Variants in ATP6V1B2 observed in about 807,000 individuals in gnomAD.
The protein encoded by ATP6V1B2 is ATPase H+ transporting V1 subunit B2.
ATP6V1B2 carries 23 observed loss-of-function variants against 66.7 expected under a neutral mutation model. That is an observed-to-expected ratio of 0.34 (90% CI 0.25 to 0.49). The LOEUF (loss-of-function observed/expected upper bound fraction) is 0.49, where lower values mean the gene tolerates loss of function less well. Ranked by LOEUF, ATP6V1B2 falls within the 20% of genes least tolerant of loss-of-function variation. ATP6V1B2 has a pLI of 0.99. For synonymous variants in ATP6V1B2, 278 were observed against 236.7 expected, an observed-to-expected ratio of 1.17 and a Z score of -1.60; for missense variants, 478 against 650.8, an observed-to-expected ratio of 0.73 and a Z score of 2.89.
At chr8:20,214,569 T>A (rs1010080841) in intron 9 of ATP6V1B2, 1 of 307,012 alleles carries the variant, frequency 3.3e-6, no homozygotes, top group East Asian at 5.5e-5. Flanking sequence ...AGCAAACTAT[T>A]TGAAAACTTA....
At chr8:20,203,979 T>G (rs1365068499) in intron 1 of ATP6V1B2, 2 of 456,092 alleles carry the variant, frequency 4.4e-6, no homozygotes, top group Non-Finnish European at 4.4e-6. Flanking sequence ...TTCTCCAATT[T>G]CCTTTGTGAC....
chr8:20,213,033 T>C lies in ATP6V1B2; in HGVS notation c.927+128T>C, dbSNP rs147867559. 3.8e-4 allele frequency: 488 copies of C among 1,289,258 alleles called. 4 individuals are homozygous for C. In the African/African-American group the frequency reaches 6.4e-3, roughly 17 times the overall value. The allele number at this position is 1,289,258 out of a possible 1,614,324, so 79.9% of individuals were successfully genotyped here. A position where few individuals can be genotyped will look rare whatever the true frequency, so the allele number is the denominator to read the frequency against. On this transcript the variant is annotated intron_variant, in intron 9 of 13. Coordinates refer to ENST00000276390, the MANE Select transcript of ATP6V1B2 (RefSeq NM_001693.4). ...CTGTTCATATATTAATAGAATGCCT[T>C]AATAAATCAGAAAGGAAACTACTTC...
intron 1 of ATP6V1B2, among the ~76,000 whole-genome samples, chr8:20,203,663 A>G (rs1051191295): frequency 2.0e-5 from 3 of 151,338 alleles, no homozygotes; most frequent in Non-Finnish European, 4.4e-5. Flanking sequence ...TGGTAGAATT[A>G]CTCTCCCCTG....
At chr8:20,212,966 G>A in intron 9 of ATP6V1B2, 61 bp downstream of exon 9, 3 of 1,598,836 alleles carry the variant, frequency 1.9e-6, no homozygotes, top group Middle Eastern at 1.7e-4. Flanking sequence ...GGGTTAACTT[G>A]TCACTTTGCA....
At chr8:20,213,367 G>A (rs1253724204) in intron 9 of ATP6V1B2, 1 of 182,684 alleles carries the variant, frequency 5.5e-6, no homozygotes, top group Non-Finnish European at 1.1e-5. Flanking sequence ...GATTCTAGCA[G>A]GCTGGGCACG....
At position 20,214,831 on chromosome 8, in the gene ATP6V1B2, G is replaced by C; in HGVS notation, c.941G>C (p.Arg314Thr). 6.2e-7 allele frequency: 1 copy of C among 1,611,866 alleles called. No individual in the cohort carries two copies. Among genetic ancestry groups the C allele is most frequent in the Non-Finnish European group, 8.5e-7 (1 of 1,178,856 alleles). The change falls in exon 10 of 14, where the codon AGG (arginine) becomes ACG (threonine). Residue 314 changes from arginine (R) to threonine (T), a missense_variant. This residue lies in a region of ATP6V1B2 where 326 missense variants were observed against 545.6 expected (regional missense o/e 0.60). Transcript: ENST00000276390. ...AEALREVSAA[R>T]EEVPGRRGFP... is the part of the protein sequence containing the mutation. Reference sequence around the variant, plus strand: ...ACCTGCTGTCAGGTTTCAGCAGCCAGGGAAGAGGTACCTGGTCGACGAGGT... The same window carrying C: ...ACCTGCTGTCAGGTTTCAGCAGCCACGGAAGAGGTACCTGGTCGACGAGGT...
intron 1 of ATP6V1B2, among the ~76,000 whole-genome samples, chr8:20,202,692 G>T (rs556509087): frequency 6.6e-6 from 1 of 152,296 alleles, no homozygotes; most frequent in East Asian, 1.9e-4. Context: ...TTCTAAAGCA[G>T]TATTGTTGTA....
At chr8:20,212,055 T>G in intron 7 of ATP6V1B2, 47 bp from the exon 8 acceptor site, 1 of 1,519,780 alleles carries the variant, frequency 6.6e-7, no homozygotes. Flanking sequence ...GAAATAAATG[T>G]TAAGGATTTT....
rs1018881190 is a variant in ATP6V1B2, at chr8:20,221,548, G to C, written c.*1146G>C. 6.6e-6 allele frequency: 1 copy of C among 152,480 alleles called. No individual in the cohort carries two copies. 9.4% of individuals were successfully genotyped at this position (152,480 alleles called of 1,614,324 possible). On this transcript the variant is annotated 3_prime_UTR_variant, in exon 14 of 14. Transcript: ENST00000276390. ...GGTGCAATAGCAACTTCCCTACCCC[G>C]TGCATTCCATCTTTCATGTTGTGTA...
intron 5 of ATP6V1B2, among the ~76,000 whole-genome samples, 193 bp from the exon 6 acceptor site, chr8:20,210,984 A>C (rs141631986): frequency 1.7e-3 from 265 of 152,286 alleles, no homozygotes; most frequent in African/African-American, 6.1e-3. Context: ...GTGAGTCTAC[A>C]AAAGAGTAAA....
chr8:20,197,513 G>A lies in ATP6V1B2; in HGVS notation c.107G>A (p.Ser36Asn). ...GCTCGGGAGCAGGCGCTGGCAGTCA[G>A]TCGGAACTACCTCTCCCAGCCTCGC... is the stretch of plus-strand genomic sequence containing the variant. ...VGAREQALAV[S>N]RNYLSQPRLT... Residue 36 changes from serine to asparagine, a missense_variant, in exon 1 of 14, where the codon AGT becomes AAT. Physicochemically the swap from Ser to Asn is conservative, Grantham distance 46. Coordinates refer to ENST00000276390, the MANE Select transcript of ATP6V1B2 (RefSeq NM_001693.4). 1.3e-6 allele frequency: 2 copies of A among 1,483,860 alleles called. No individual in the cohort carries two copies. Among genetic ancestry groups the A allele is most frequent in the Non-Finnish European group, 1.8e-6 (2 of 1,115,072 alleles). The allele number at this position is 1,483,860 out of a possible 1,614,324, so 91.9% of individuals were successfully genotyped here.
chr8:20,212,140 T>C lies in ATP6V1B2; in HGVS notation c.744T>C (p.Phe248=), dbSNP rs1411603017. The C allele has an allele frequency of 1.2e-6, 2 of 1,613,700 alleles. No individual in the cohort carries two copies. The highest frequency in any genetic ancestry group is 1.7e-6 in the Non-Finnish European group (2 of 1,179,788). Residue 248 remains phenylalanine, a synonymous_variant, in exon 8 of 14, where the codon TTT becomes TTC. Coordinates refer to ENST00000276390, the MANE Select transcript of ATP6V1B2 (RefSeq NM_001693.4). The stretch of plus-strand genomic sequence containing the variant: ...CTGCCCGGTTCTTCAAATCTGACTT[T>C]GAAGAAAATGGCTCAATGGACAATG... ...METARFFKSD[F]EENGSMDNVC...
intron 1 of ATP6V1B2, chr8:20,203,815 A>G (rs1381753092): frequency 1.9e-5 from 7 of 359,942 alleles, no homozygotes; most frequent in African/African-American, 8.6e-5. Context: ...CTAACCTGGC[A>G]GTAACGTTTG....
chr8:20,210,116 G>A (rs939312036), intron 3 of ATP6V1B2, among the ~76,000 whole-genome samples: 1 of 148,630 alleles, frequency 6.7e-6, no homozygotes. Context: ...TTATGTATGT[G>A]TATATATATA....
Position 20,214,904 on chromosome 8 carries a change from T to C in ATP6V1B2, c.1014T>C (p.Ala338=), listed in dbSNP as rs1318397551. 4 of 1,613,520 alleles carry C rather than the reference T, an allele frequency of 2.5e-6. No homozygotes were observed. Among genetic ancestry groups the C allele is most frequent in the East Asian group, 4.5e-5 (2 of 44,860 alleles). The stretch of plus-strand genomic sequence containing the variant: ...ATTTAGCCACGATATATGAACGCGC[T>C]GGGCGAGTGGAAGGGAGAAACGGCT... ...YTDLATIYER[A]GRVEGRNGSI... The change falls in exon 10 of 14, where the codon GCT becomes GCC. Residue 338 remains alanine (A), a synonymous_variant. Coordinates refer to ENST00000276390, the MANE Select transcript of ATP6V1B2 (RefSeq NM_001693.4).
At chr8:20,197,896 C>T (rs1158874120) in intron 1 of ATP6V1B2, among the ~76,000 whole-genome samples, 1 of 152,202 alleles carries the variant, frequency 6.6e-6, no homozygotes, top group Non-Finnish European at 1.5e-5. Flanking sequence ...CTTCCCCTGA[C>T]TTCATTTGGA....
intron 1 of ATP6V1B2, chr8:20,203,941 T>C (rs1429880157): frequency 4.4e-6 from 2 of 454,208 alleles, no homozygotes; most frequent in African/African-American, 4.0e-5. Context: ...CATTTAATTG[T>C]GGCTTTTTAC....
chr8:20,213,860 C>G (rs1279679307), intron 9 of ATP6V1B2: 1 of 152,100 alleles, frequency 6.6e-6, no homozygotes, highest in Non-Finnish European at 1.5e-5. Context: ...TAGTTTTTCT[C>G]CCCCATCCAT....
rs1585254457 is a variant in ATP6V1B2, at chr8:20,217,211, C to G, written c.1162-9C>G. 1 of 1,602,010 alleles carries G rather than the reference C, an allele frequency of 6.2e-7. No individual in the cohort carries two copies. Among genetic ancestry groups the G allele is most frequent in the Non-Finnish European group, 8.6e-7 (1 of 1,169,436 alleles). On this transcript the variant is annotated splice_polypyrimidine_tract_variant and intron_variant, in intron 11 of 13. Transcript: ENST00000276390. Reference sequence around the variant, plus strand: ...AATATAGTATTTTTTCCCTCTCATTCTACCCAAGATTTATCCACCTATCAA... The same window carrying G: ...AATATAGTATTTTTTCCCTCTCATTGTACCCAAGATTTATCCACCTATCAA...
Sources: allele counts gnomAD v4.1 joint callset (sites outside exome capture counted in the v4.1 genomes callset), GRCh38; gene constraint gnomAD v4.1.1; regional missense constraint gnomAD v4.1.1; transcripts MANE v1.5; gene names NCBI Gene and HGNC (gene_info 2026-07-23, HGNC 2026-07-21).